Variants in EXOC4 observed in about 807,000 individuals in gnomAD.
EXOC4 encodes the protein exocyst complex component 4, also known as SEC8-like 1.
Under a neutral mutation model 107.2 loss-of-function variants are expected in EXOC4, and 71 were observed. The ratio of observed to expected loss-of-function variants is 0.66; its 90% CI spans 0.55 to 0.81. The LOEUF is 0.81. Ranked by LOEUF, EXOC4 falls within the 30% of genes least tolerant of loss-of-function variation. The pLI, the probability that EXOC4 is intolerant of heterozygous loss-of-function variation, is 0.00. For missense variants in EXOC4, 1,108 were observed against 1,189.6 expected, an observed-to-expected ratio of 0.93 and a Z score of 1.01; for synonymous variants, 456 against 441.2, an observed-to-expected ratio of 1.03 and a Z score of -0.42.
At chr7:133,464,380 A>T (rs1382314418) in intron 7 of EXOC4, among the ~76,000 whole-genome samples, 1 of 152,216 alleles carries the variant, frequency 6.6e-6, no homozygotes, top group Non-Finnish European at 1.5e-5. Context: ...TCAAGCACAG[A>T]CTTTCTGCGT....
At chr7:133,340,235 G>T (rs193086471) in intron 5 of EXOC4, among the ~76,000 whole-genome samples, 1 of 151,942 alleles carries the variant, frequency 6.6e-6, no homozygotes, top group African/African-American at 2.4e-5. Context: ...GCTGGATTTC[G>T]TCCAATGTTT....
chr7:133,991,232 A>C (rs1455614623), intron 14 of EXOC4, among the ~76,000 whole-genome samples: 1 of 151,446 alleles, frequency 6.6e-6, no homozygotes, highest in Admixed American at 6.6e-5. Context: ...AGAAATGTCT[A>C]TTCAGGTCTT....
chr7:133,757,613 T>A (rs577299011), intron 10 of EXOC4, among the ~76,000 whole-genome samples: 1 of 152,360 alleles, frequency 6.6e-6, no homozygotes, highest in East Asian at 1.9e-4. Flanking sequence ...CCATTGTCCG[T>A]GCAAAACCCT....
chr7:133,691,893 C>T (rs1794428196), intron 10 of EXOC4, among the ~76,000 whole-genome samples: 1 of 152,132 alleles, frequency 6.6e-6, no homozygotes, highest in South Asian at 2.1e-4. Flanking sequence ...CACAGGAAGC[C>T]TTCACATGGA....
At chr7:133,624,224 A>G (rs1357900108) in intron 9 of EXOC4, among the ~76,000 whole-genome samples, 1 of 152,202 alleles carries the variant, frequency 6.6e-6, no homozygotes, top group Non-Finnish European at 1.5e-5. Flanking sequence ...TGATCATTTT[A>G]TGCTATTTTC....
chr7:133,910,090 A>AT (rs34430436), intron 12 of EXOC4, among the ~76,000 whole-genome samples: 152,176 of 152,180 alleles, frequency 1, 76,086 homozygotes, highest in Non-Finnish European at 1. Flanking sequence ...CACTCAGCTA[A>AT]TTTGTATTTT....
At chr7:133,663,928 A>T (rs1042880356) in intron 10 of EXOC4, among the ~76,000 whole-genome samples, 3 of 152,194 alleles carry the variant, frequency 2.0e-5, no homozygotes, top group Non-Finnish European at 4.4e-5. Flanking sequence ...TCAGTGTTTT[A>T]CAGGGCCCTA....
chr7:133,720,190 A>G (rs570546830), intron 10 of EXOC4, among the ~76,000 whole-genome samples: 1 of 152,296 alleles, frequency 6.6e-6, no homozygotes, highest in South Asian at 2.1e-4. Context: ...TATATCACCA[A>G]TAAAGGATTA....
At chr7:134,039,622 C>G (rs1389278770) in intron 17 of EXOC4, among the ~76,000 whole-genome samples, 1 of 152,170 alleles carries the variant, frequency 6.6e-6, no homozygotes, top group Non-Finnish European at 1.5e-5. Flanking sequence ...CCTCTACCCC[C>G]AGCTGGTCAT....
intron 17 of EXOC4, among the ~76,000 whole-genome samples, chr7:134,023,182 A>G (rs1233333104): frequency 6.6e-6 from 1 of 152,214 alleles, no homozygotes; most frequent in Non-Finnish European, 1.5e-5. Context: ...AGAATATCCC[A>G]TCCATTACCA....
At chr7:133,990,041 A>G (rs973100262) in intron 14 of EXOC4, among the ~76,000 whole-genome samples, 8 of 152,146 alleles carry the variant, frequency 5.3e-5, no homozygotes, top group African/African-American at 1.7e-4. Context: ...GGTACATGTG[A>G]TATTTTGATA....
At chr7:133,302,555 A>G (rs547427542) in intron 3 of EXOC4, among the ~76,000 whole-genome samples, 2 of 152,344 alleles carry the variant, frequency 1.3e-5, no homozygotes, top group African/African-American at 4.8e-5. Flanking sequence ...AGGTCATATT[A>G]GAGATCATTT....
At chr7:133,650,840 A>G (rs1370895782) in intron 10 of EXOC4, among the ~76,000 whole-genome samples, 1 of 151,566 alleles carries the variant, frequency 6.6e-6, no homozygotes, top group African/African-American at 2.4e-5. Context: ...GCCAGGAGAC[A>G]TATTCCTATT....
intron 9 of EXOC4, among the ~76,000 whole-genome samples, chr7:133,500,943 C>G (rs753729236): frequency 2.0e-5 from 3 of 152,090 alleles, no homozygotes; most frequent in Non-Finnish European, 4.4e-5. Flanking sequence ...TCATCTAGAC[C>G]TCTTATTATA....
chr7:133,363,116 C>G (rs1044229474), intron 6 of EXOC4, among the ~76,000 whole-genome samples: 2 of 152,142 alleles, frequency 1.3e-5, no homozygotes, highest in East Asian at 3.8e-4. Context: ...TTGATTAAAT[C>G]TCTACTTTTG....
chr7:133,717,733 T>C (rs1403534033), intron 10 of EXOC4, among the ~76,000 whole-genome samples: 1 of 152,238 alleles, frequency 6.6e-6, no homozygotes, highest in Non-Finnish European at 1.5e-5. Flanking sequence ...TACATGTTTA[T>C]ATCTGGGCCT....
chr7:133,694,497 T>C (rs1249495141), intron 10 of EXOC4, among the ~76,000 whole-genome samples: 2 of 152,190 alleles, frequency 1.3e-5, no homozygotes, highest in Non-Finnish European at 2.9e-5. Flanking sequence ...ACAGAGTTGT[T>C]TATCATACTG....
At chr7:133,744,428 C>G (rs1262868319) in intron 10 of EXOC4, among the ~76,000 whole-genome samples, 1 of 152,062 alleles carries the variant, frequency 6.6e-6, no homozygotes, top group Non-Finnish European at 1.5e-5. Context: ...ACGATTTTTA[C>G]TTGATGTTTA....
At chr7:134,052,901 C>T (rs1057369755) in intron 17 of EXOC4, among the ~76,000 whole-genome samples, 41 of 152,182 alleles carry the variant, frequency 2.7e-4, no homozygotes, top group African/African-American at 9.2e-4. Flanking sequence ...CATCTCCCCC[C>T]GGAGTTACAT....
Sources: allele counts gnomAD v4.1 joint callset (sites outside exome capture counted in the v4.1 genomes callset), GRCh38; gene constraint gnomAD v4.1.1; transcripts MANE v1.5; gene names NCBI Gene and HGNC (gene_info 2026-07-23, HGNC 2026-07-21).